Variants in CNTNAP2 observed in about 807,000 individuals in gnomAD.
CNTNAP2 encodes contactin-associated protein-like 2.
In CNTNAP2, 98 loss-of-function variants were observed where a neutral mutation model predicts 155.2. The observed-to-expected ratio is 0.63, with a 90% CI of 0.54 to 0.75. The LOEUF is 0.75. Among genes scored for constraint, CNTNAP2 ranks in the 30% least tolerant of loss-of-function variants. The pLI is 0.00. For missense variants in CNTNAP2, 1,727 were observed against 1,688.1 expected (o/e 1.02, Z -0.40); for synonymous variants, 651 against 631.2 (o/e 1.03, Z -0.47).
chr7:146,721,002 CTATA>C (rs1164316638), intron 1 of CNTNAP2, among the ~76,000 whole-genome samples: 2 of 91,752 alleles, frequency 2.2e-5, no homozygotes, highest in Non-Finnish European at 3.8e-5. Context: ...TATATATAGT[CTATA>C]TATATACTCT....
chr7:146,851,655 TG>T (rs1794880976), intron 3 of CNTNAP2, among the ~76,000 whole-genome samples: 2 of 29,316 alleles, frequency 6.8e-5, no homozygotes, highest in African/African-American at 4.0e-4. Flanking sequence ...TTCTTCTGTG[TG>T]TGTGTGTGTG....
At chr7:146,404,124 CAAAAAA>C (rs1163559597) in intron 1 of CNTNAP2, among the ~76,000 whole-genome samples, 3,755 of 72,790 alleles carry the variant, frequency 0.052, 156 homozygotes, top group Middle Eastern at 0.16. Flanking sequence ...GACTCCGTCT[CAAAAAA>C]AAAAAAAAAA....
intron 21 of CNTNAP2, among the ~76,000 whole-genome samples, chr7:148,304,478 A>C (rs1353503274): frequency 2.6e-5 from 4 of 152,096 alleles, no homozygotes; most frequent in Non-Finnish European, 5.9e-5. Context: ...TTCACCTGCT[A>C]CTTGAGGGGT....
chr7:147,364,900 A>G (rs925656126), intron 9 of CNTNAP2, among the ~76,000 whole-genome samples: 13 of 152,088 alleles, frequency 8.5e-5, no homozygotes, highest in Non-Finnish European at 8.8e-5. Flanking sequence ...TTGGCGTTTT[A>G]AAAATGTTTA....
At chr7:147,227,515 G>A (rs1162912898) in intron 8 of CNTNAP2, among the ~76,000 whole-genome samples, 3 of 152,258 alleles carry the variant, frequency 2.0e-5, no homozygotes, top group South Asian at 4.1e-4. Context: ...TATCCAGGTC[G>A]TTTTATTGGT....
intron 15 of CNTNAP2, among the ~76,000 whole-genome samples, chr7:147,990,913 T>C (rs1348444435): frequency 3.9e-5 from 6 of 152,052 alleles, no homozygotes; most frequent in Non-Finnish European, 1.5e-5. Flanking sequence ...TCCCTGGAGA[T>C]CAGGCTGATA....
chr7:147,370,674 T>C (rs1796326231), intron 9 of CNTNAP2, among the ~76,000 whole-genome samples: 1 of 152,164 alleles, frequency 6.6e-6, no homozygotes, highest in Non-Finnish European at 1.5e-5. Context: ...AATATATAGA[T>C]ACATAATAAC....
At chr7:148,094,166 G>A (rs1216459287) in intron 15 of CNTNAP2, among the ~76,000 whole-genome samples, 1 of 152,186 alleles carries the variant, frequency 6.6e-6, no homozygotes, top group African/African-American at 2.4e-5. Flanking sequence ...TGCCCATGGG[G>A]ACTTGAACAA....
intron 21 of CNTNAP2, among the ~76,000 whole-genome samples, chr7:148,320,663 C>A (rs919471216): frequency 1.3e-4 from 20 of 152,088 alleles, no homozygotes; most frequent in African/African-American, 4.6e-4. Context: ...GGATTACAGG[C>A]GTGAGCCACC....
At chr7:146,172,713 C>G (rs139743205) in intron 1 of CNTNAP2, among the ~76,000 whole-genome samples, 1 of 152,006 alleles carries the variant, frequency 6.6e-6, no homozygotes, top group East Asian at 1.9e-4. Context: ...AATTAGCAAC[C>G]ATGTGTAGTA....
At chr7:147,474,746 C>T (rs982916653) in intron 10 of CNTNAP2, among the ~76,000 whole-genome samples, 4 of 152,136 alleles carry the variant, frequency 2.6e-5, no homozygotes, top group African/African-American at 9.7e-5. Context: ...CAGGAAAATG[C>T]ATAACCTGAC....
intron 3 of CNTNAP2, among the ~76,000 whole-genome samples, chr7:146,997,698 G>A (rs1369274383): frequency 6.6e-6 from 1 of 152,030 alleles, no homozygotes; most frequent in Non-Finnish European, 1.5e-5. Flanking sequence ...TTACTGATGG[G>A]AGACTTTTTA....
At chr7:147,456,720 GA>G (rs904122682) in intron 10 of CNTNAP2, among the ~76,000 whole-genome samples, 6 of 151,684 alleles carry the variant, frequency 4.0e-5, no homozygotes, top group Non-Finnish European at 8.8e-5. Flanking sequence ...TTAATCACAG[GA>G]AAAAAAATAC....
At chr7:148,203,163 C>G (rs1795393121) in intron 18 of CNTNAP2, among the ~76,000 whole-genome samples, 1 of 151,992 alleles carries the variant, frequency 6.6e-6, no homozygotes, top group African/African-American at 2.4e-5. Context: ...ACTAAGATGT[C>G]TTGGATTTTC....
intron 13 of CNTNAP2, among the ~76,000 whole-genome samples, chr7:147,898,629 C>T (rs536409860): frequency 1.1e-4 from 16 of 152,188 alleles, no homozygotes; most frequent in African/African-American, 2.9e-4. Flanking sequence ...TAGTGATTCT[C>T]CTGCCTCAGC....
intron 1 of CNTNAP2, among the ~76,000 whole-genome samples, chr7:146,462,755 A>G (rs1438162815): frequency 1.3e-5 from 2 of 152,134 alleles, no homozygotes; most frequent in African/African-American, 4.8e-5. Flanking sequence ...CATTGGAAAA[A>G]CTTATTTACT....
intron 4 of CNTNAP2, among the ~76,000 whole-genome samples, chr7:147,053,592 C>T (rs893474330): frequency 6.6e-5 from 10 of 151,990 alleles, no homozygotes; most frequent in South Asian, 2.1e-4. Flanking sequence ...TCAAGAGTGT[C>T]GATTTAAAAG....
intron 8 of CNTNAP2, among the ~76,000 whole-genome samples, chr7:147,157,261 G>T (rs916242996): frequency 4.6e-5 from 7 of 151,962 alleles, no homozygotes; most frequent in African/African-American, 1.7e-4. Context: ...TGATAATGGG[G>T]GTTTTGACCT....
At chr7:146,703,632 T>C (rs565555160) in intron 1 of CNTNAP2, among the ~76,000 whole-genome samples, 2 of 152,214 alleles carry the variant, frequency 1.3e-5, no homozygotes, top group East Asian at 1.9e-4. Context: ...TGAGGGCTTG[T>C]TCCCTATAAG....
Sources: allele counts gnomAD v4.1 joint callset (sites outside exome capture counted in the v4.1 genomes callset), GRCh38; gene constraint gnomAD v4.1.1; transcripts MANE v1.5; gene names NCBI Gene and HGNC (gene_info 2026-07-23, HGNC 2026-07-21).